Variants in SPTSSB observed in about 807,000 individuals in gnomAD.
SPTSSB encodes serine palmitoyltransferase small subunit B, also known as androgen down regulated in mouse prostate.
SPTSSB carries 6 observed loss-of-function variants against 7.7 expected under a neutral mutation model. The ratio of observed to expected loss-of-function variants is 0.78; its 90% confidence interval spans 0.43 to 1.54. SPTSSB has a LOEUF of 1.54. Among genes scored for constraint, SPTSSB ranks in the 40% most tolerant of loss-of-function variants. The pLI is 0.01. For missense variants in SPTSSB, 91 were observed against 93.0 expected, an observed-to-expected ratio of 0.98 and a Z score of 0.09; for synonymous variants, 28 against 29.7, an observed-to-expected ratio of 0.94 and a Z score of 0.19.
At chr3:161,354,940 T>C (rs1714700646) in intron 2 of SPTSSB, among the ~76,000 whole-genome samples, 1 of 152,226 alleles carries the variant, frequency 6.6e-6, no homozygotes, top group African/African-American at 2.4e-5. Flanking sequence ...CAGTATTGTG[T>C]GGCTATCAAA....
chr3:161,370,239 TTTTCAACTTCAAATCGAC>T (rs554692786), intron 1 of SPTSSB, among the ~76,000 whole-genome samples: 4 of 152,336 alleles, frequency 2.6e-5, no homozygotes, highest in African/African-American at 9.6e-5. Flanking sequence ...GACTGGTTGA[TTTTCAACTTCAAATCGAC>T]TTTCAACTTC....
Position 161,346,245 on chromosome 3 carries a change from CTA to C in SPTSSB, c.77_78del (p.Leu26Ter). 1 of 1,613,972 alleles carries C rather than the reference CTA, an allele frequency of 6.2e-7. No individual in the cohort carries two copies. The highest frequency in any genetic ancestry group is 8.5e-7 in the Non-Finnish European group (1 of 1,179,906). On this transcript the variant is annotated frameshift_variant, in exon 3 of 3. Coordinates refer to ENST00000620149, the MANE Select transcript of SPTSSB (RefSeq NM_001040100.2). LOFTEE classifies it high-confidence loss of function. ...TTAAACATAGATCGCTCCCAGGGCT[CTA>C]AAACAGCACAGCAGCTAATGATTTG... The part of the protein sequence containing the change: ...QYQIISCCAV[L>X]EPWERSMFNT...
chr3:161,368,390 A>T (rs1044098312), intron 1 of SPTSSB, among the ~76,000 whole-genome samples: 1 of 150,706 alleles, frequency 6.6e-6, no homozygotes, highest in Non-Finnish European at 1.5e-5. Flanking sequence ...GACACACTGT[A>T]CCCTTTAGTC....
chr3:161,362,579 T>C (rs1056057834), intron 1 of SPTSSB, among the ~76,000 whole-genome samples: 5 of 152,164 alleles, frequency 3.3e-5, no homozygotes, highest in Non-Finnish European at 7.4e-5. Flanking sequence ...TCAGAATCTA[T>C]AGCTAATCAA....
chr3:161,369,164 C>A (rs1203141926), intron 1 of SPTSSB, among the ~76,000 whole-genome samples: 1 of 152,130 alleles, frequency 6.6e-6, no homozygotes, highest in African/African-American at 2.4e-5. Context: ...GCGATTGCAC[C>A]ATTTTCCATC....
At chr3:161,349,447 C>T (rs1269881684) in intron 2 of SPTSSB, among the ~76,000 whole-genome samples, 1 of 152,168 alleles carries the variant, frequency 6.6e-6, no homozygotes, top group Admixed American at 6.5e-5. Context: ...CCTTAGAGAC[C>T]TAGTGCTGTA....
At chr3:161,355,298 AG>A (rs1411095566) in intron 2 of SPTSSB, among the ~76,000 whole-genome samples, 2 of 152,224 alleles carry the variant, frequency 1.3e-5, no homozygotes, top group Non-Finnish European at 2.9e-5. Context: ...ATTGTTGCCA[AG>A]GGCTGCCAGG....
At chr3:161,359,777 C>A in intron 2 of SPTSSB, 25 bp downstream of exon 2, 1 of 985,310 alleles carries the variant, frequency 1.0e-6, no homozygotes, top group South Asian at 4.7e-5. Context: ...AGCAAGTCTC[C>A]GTGATATAAT....
chr3:161,357,837 T>C (rs1714838788), intron 2 of SPTSSB, among the ~76,000 whole-genome samples: 1 of 152,070 alleles, frequency 6.6e-6, no homozygotes, highest in Non-Finnish European at 1.5e-5. Context: ...GAATTCTCCC[T>C]AGAGCCCTTG....
rs372335236 is a variant in SPTSSB, at chr3:161,363,308, C to T, written c.-125-3414G>A. Among the ~76,000 whole-genome samples, 11 of 151,668 alleles carry T rather than the reference C, an allele frequency of 7.3e-5. No homozygotes were observed. In the East Asian group the frequency reaches 1.9e-3, roughly 27 times the overall value. On this transcript the variant is annotated intron_variant, in intron 1 of 2. Transcript: ENST00000620149. ...TTAAAAAATGTCTCTAGAAATAGTACAGTTAATCAGATTTTCTTGACTATT... is the reference window on the plus strand; with the variant it reads ...TTAAAAAATGTCTCTAGAAATAGTATAGTTAATCAGATTTTCTTGACTATT...
At chr3:161,368,887 C>G (rs1315768381) in intron 1 of SPTSSB, among the ~76,000 whole-genome samples, 1 of 152,218 alleles carries the variant, frequency 6.6e-6, no homozygotes, top group Non-Finnish European at 1.5e-5. Context: ...TATGTATCAG[C>G]CACATGATTT....
At chr3:161,355,267 T>G (rs529190502) in intron 2 of SPTSSB, among the ~76,000 whole-genome samples, 2 of 152,342 alleles carry the variant, frequency 1.3e-5, no homozygotes, top group African/African-American at 4.8e-5. Context: ...AACTTCTGAG[T>G]GGCTTTTTCC....
rs896922063 is a variant in SPTSSB, at chr3:161,346,000, C to T, written c.*93G>A. On this transcript the variant is annotated 3_prime_UTR_variant, in exon 3 of 3. Coordinates refer to ENST00000620149, the MANE Select transcript of SPTSSB (RefSeq NM_001040100.2). ...ATAGAGAAGAGAGTGCTTTTCAGGT[C>T]AGATAGTGAAGGAAGACACAATAGT... 1.4e-6 allele frequency: 1 copy of T among 691,924 alleles called. No individual in the cohort carries two copies. Among genetic ancestry groups the T allele is most frequent in the Non-Finnish European group, 2.6e-6 (1 of 391,402 alleles). 42.9% of individuals were successfully genotyped at this position (691,924 alleles called of 1,614,324 possible). A position where few individuals can be genotyped will look rare whatever the true frequency, so the allele number is the denominator to read the frequency against.
intron 2 of SPTSSB, 32 bp from the exon 3 acceptor site, chr3:161,346,387 G>A: frequency 9.0e-7 from 1 of 1,115,784 alleles, no homozygotes; most frequent in South Asian, 1.3e-5. Context: ...TAGAGGATGA[G>A]GAACCAAACA....
intron 2 of SPTSSB, among the ~76,000 whole-genome samples, chr3:161,356,972 ACT>A (rs565086357): frequency 1.1e-3 from 171 of 152,086 alleles, no homozygotes; most frequent in African/African-American, 3.9e-3. Context: ...AAAGAGTAAG[ACT>A]CTGTCTCAAA....
intron 2 of SPTSSB, among the ~76,000 whole-genome samples, chr3:161,358,381 C>A (rs561503164): frequency 2.6e-5 from 4 of 152,110 alleles, no homozygotes; most frequent in Admixed American, 6.5e-5. Context: ...TGAATCCCAG[C>A]TCTGTTCTTA....
chr3:161,345,450 C>T lies in SPTSSB; in HGVS notation c.*643G>A, dbSNP rs890899214. Reference sequence around the variant, plus strand: ...TGTATTATAATACTTACTTGGTTATCTAAAATCAACATTGTTGATTTTAAA... The same window carrying T: ...TGTATTATAATACTTACTTGGTTATTTAAAATCAACATTGTTGATTTTAAA... On this transcript the variant is annotated 3_prime_UTR_variant, in exon 3 of 3. Coordinates refer to ENST00000620149, the MANE Select transcript of SPTSSB (RefSeq NM_001040100.2). The T allele has an allele frequency of 6.6e-6, 1 of 152,478 alleles. No homozygotes were observed. The highest frequency in any genetic ancestry group is 2.1e-4 in the South Asian group (1 of 4,828). The allele number at this position is 152,478 out of a possible 1,614,324, so 9.4% of individuals were successfully genotyped here.
At chr3:161,362,650 C>G (rs1477114483) in intron 1 of SPTSSB, among the ~76,000 whole-genome samples, 1 of 151,966 alleles carries the variant, frequency 6.6e-6, no homozygotes, top group Non-Finnish European at 1.5e-5. Context: ...TAAACAGTTG[C>G]CTTGTTTATG....
intron 1 of SPTSSB, among the ~76,000 whole-genome samples, chr3:161,370,016 A>G (rs548993002): frequency 9.3e-4 from 142 of 152,326 alleles, no homozygotes; most frequent in Admixed American, 1.5e-3. Flanking sequence ...AGTGGATTTG[A>G]AAAGCTCTTC....
Sources: gnomAD v4.1 joint callset for allele counts (sites outside exome capture counted in the v4.1 genomes callset) on GRCh38, gnomAD v4.1.1 for gene constraint, MANE v1.5 for transcripts, NCBI Gene and HGNC (gene_info 2026-07-23, HGNC 2026-07-21) for gene names.